Variants in NKAIN2 observed in about 807,000 individuals in gnomAD.
NKAIN2 encodes the protein sodium/potassium transporting ATPase interacting 2.
In NKAIN2, 14 loss-of-function variants were observed where a neutral mutation model predicts 32.6. That is an observed-to-expected ratio of 0.43 (90% CI 0.28 to 0.67). The LOEUF is 0.67. NKAIN2 is among the 30% of genes least tolerant of loss of function. The pLI, the probability that NKAIN2 is intolerant of heterozygous loss-of-function variation, is 0.17. For missense variants in NKAIN2, 198 were observed against 258.3 expected (o/e 0.77, Z 1.60); for synonymous variants, 80 against 87.2 (o/e 0.92, Z 0.46).
At position 124,364,323 on chromosome 6, in the gene NKAIN2, TA is replaced by T. The variant is rs1184402212; in HGVS notation, c.273+8983del. 2.7e-5 allele frequency among the ~76,000 whole-genome samples: 4 copies of T among 148,916 alleles called. No individual in the cohort carries two copies. In the South Asian group the frequency reaches 8.6e-4, roughly 32 times the overall value. ...TATGCACATTATTGAATTACCAGGA[TA>T]AAAAAACAGAATTGGATAGAAGCAA... On this transcript the variant is annotated intron_variant, in intron 3 of 6. Coordinates refer to ENST00000368417, the MANE Select transcript of NKAIN2 (RefSeq NM_001040214.3).
intron 1 of NKAIN2, among the ~76,000 whole-genome samples, chr6:124,113,822 G>A (rs1256273458): frequency 6.6e-6 from 1 of 152,164 alleles, no homozygotes; most frequent in Non-Finnish European, 1.5e-5. Context: ...CTCCCAGGAT[G>A]CAGGAACCTT....
chr6:124,650,730 G>A (rs1361206908), intron 3 of NKAIN2, among the ~76,000 whole-genome samples: 2 of 152,094 alleles, frequency 1.3e-5, no homozygotes, highest in African/African-American at 4.8e-5. Flanking sequence ...GTTGCACTGG[G>A]TATTAAATTC....
At chr6:124,616,784 C>T (rs9375345) in intron 3 of NKAIN2, among the ~76,000 whole-genome samples, 12,694 of 151,948 alleles carry the variant, frequency 0.084, 875 homozygotes, top group East Asian at 0.42. Flanking sequence ...TAAAACTTTT[C>T]TTACTCCATG....
intron 3 of NKAIN2, among the ~76,000 whole-genome samples, chr6:124,375,969 T>C (rs879843294): frequency 6.6e-6 from 1 of 152,152 alleles, no homozygotes; most frequent in Admixed American, 6.6e-5. Context: ...TGCCTGCACA[T>C]AGTTTACATT....
At chr6:124,046,024 A>G (rs534423041) in intron 1 of NKAIN2, among the ~76,000 whole-genome samples, 1 of 152,146 alleles carries the variant, frequency 6.6e-6, no homozygotes, top group African/African-American at 2.4e-5. Flanking sequence ...AGGCATTCTA[A>G]TAATAACTCC....
chr6:124,353,361 C>G (rs373846414), intron 2 of NKAIN2, among the ~76,000 whole-genome samples: 1 of 151,936 alleles, frequency 6.6e-6, no homozygotes, highest in Non-Finnish European at 1.5e-5. Flanking sequence ...AATTCTGGTT[C>G]GGAATCATGA....
At chr6:124,574,483 T>A (rs1465781375) in intron 3 of NKAIN2, among the ~76,000 whole-genome samples, 1 of 152,094 alleles carries the variant, frequency 6.6e-6, no homozygotes, top group African/African-American at 2.4e-5. Context: ...CTGGGCATAG[T>A]AGTGCATGGC....
At chr6:123,929,079 T>G (rs910564082) in intron 1 of NKAIN2, among the ~76,000 whole-genome samples, 1 of 152,110 alleles carries the variant, frequency 6.6e-6, no homozygotes, top group Admixed American at 6.6e-5. Context: ...CCTTGGGAGA[T>G]GAAGGAAAGG....
chr6:124,026,304 T>C (rs971850534), intron 1 of NKAIN2, among the ~76,000 whole-genome samples: 3 of 152,354 alleles, frequency 2.0e-5, no homozygotes, highest in Middle Eastern at 3.4e-3. Context: ...CATATATTTT[T>C]CTCTTCTACA....
chr6:124,705,903 A>C (rs1484436079), intron 4 of NKAIN2, among the ~76,000 whole-genome samples: 1 of 152,126 alleles, frequency 6.6e-6, no homozygotes, highest in Non-Finnish European at 1.5e-5. Context: ...AGCAGAGGAA[A>C]GCCTAGAGAG....
At chr6:124,181,990 G>C (rs1296486900) in intron 1 of NKAIN2, among the ~76,000 whole-genome samples, 1 of 152,114 alleles carries the variant, frequency 6.6e-6, no homozygotes, top group Admixed American at 6.6e-5. Flanking sequence ...GTATTAGTCT[G>C]TTCTCTAATA....
intron 3 of NKAIN2, among the ~76,000 whole-genome samples, chr6:124,482,666 C>G (rs1183056210): frequency 2.0e-5 from 3 of 152,144 alleles, no homozygotes; most frequent in Non-Finnish European, 1.5e-5. Flanking sequence ...TAAGACTTTT[C>G]TATACTTAAA....
chr6:123,964,863 A>G lies in NKAIN2; in HGVS notation c.54+160609A>G, dbSNP rs1416935049. On this transcript the variant is annotated intron_variant, in intron 1 of 6. Coordinates refer to ENST00000368417, the MANE Select transcript of NKAIN2 (RefSeq NM_001040214.3). This position sits in a 1 kb window ranked among gnomAD's most constrained non-coding sequence, Gnocchi z 4.0. ...GTTCCATCATCTGGGCTCTCATTTTATTCCTTTTGCTCATGTTCTCACCTT... is the reference window on the plus strand; with the variant it reads ...GTTCCATCATCTGGGCTCTCATTTTGTTCCTTTTGCTCATGTTCTCACCTT... 6.6e-6 allele frequency among the ~76,000 whole-genome samples: 1 copy of G among 152,020 alleles called. No homozygotes were observed. The highest frequency in any genetic ancestry group is 1.9e-4 in the East Asian group (1 of 5,180).
intron 2 of NKAIN2, among the ~76,000 whole-genome samples, chr6:124,323,789 T>C (rs1289231551): frequency 1.4e-5 from 2 of 146,700 alleles, no homozygotes; most frequent in African/African-American, 2.5e-5. Context: ...TTTTTCTTTT[T>C]TTTTTTTTTT....
chr6:124,598,549 C>G (rs1003111640), intron 3 of NKAIN2, among the ~76,000 whole-genome samples: 4 of 151,960 alleles, frequency 2.6e-5, no homozygotes, highest in African/African-American at 9.7e-5. Context: ...ATCACTTCCA[C>G]TTGCATGCTA....
intron 1 of NKAIN2, among the ~76,000 whole-genome samples, chr6:124,075,451 A>G (rs1414699014): frequency 2.6e-5 from 4 of 152,180 alleles, no homozygotes; most frequent in African/African-American, 9.6e-5. Flanking sequence ...CTGTTACTGA[A>G]GTAGGCATTA....
intron 1 of NKAIN2, among the ~76,000 whole-genome samples, chr6:124,050,593 A>G (rs145651850): frequency 6.2e-4 from 95 of 152,078 alleles, no homozygotes; most frequent in Non-Finnish European, 2.1e-4. Context: ...ATTTGGTGTT[A>G]TATATCCCGA....
intron 1 of NKAIN2, among the ~76,000 whole-genome samples, chr6:124,052,841 G>T (rs1782472927): frequency 6.6e-6 from 1 of 152,014 alleles, no homozygotes; most frequent in Non-Finnish European, 1.5e-5. Flanking sequence ...ATGTTTATCT[G>T]CAGGGTTTAA....
At chr6:124,073,958 T>A (rs1783576341) in intron 1 of NKAIN2, among the ~76,000 whole-genome samples, 1 of 152,176 alleles carries the variant, frequency 6.6e-6, no homozygotes, top group Non-Finnish European at 1.5e-5. Flanking sequence ...ACTCCAGGTT[T>A]GAGGATATGG....
Sources: gnomAD v4.1 joint callset for allele counts (sites outside exome capture counted in the v4.1 genomes callset) on GRCh38, gnomAD v4.1.1 for gene constraint, Gnocchi (gnomAD v3.1) non-coding constraint, MANE v1.5 for transcripts, NCBI Gene and HGNC (gene_info 2026-07-23, HGNC 2026-07-21) for gene names.